TTN: variants seen among roughly 807,000 people sequenced by gnomAD.
TTN encodes titin.
In TTN, 1,525 loss-of-function variants were observed where a neutral mutation model predicts 3,223.0. That is an observed-to-expected ratio of 0.47 (90% confidence interval 0.45 to 0.49). The LOEUF is 0.49. Ranked by LOEUF, TTN falls within the 20% of genes least tolerant of loss-of-function variation. The pLI, the probability that TTN is intolerant of heterozygous loss-of-function variation, is 0.00. For missense variants in TTN, 40,786 were observed against 43,424.0 expected, an observed-to-expected ratio of 0.94 and a Z score of 5.40; for synonymous variants, 14,094 against 15,161.0, an observed-to-expected ratio of 0.93 and a Z score of 5.17.
intron 47 of TTN, chr2:178,748,205 G>T: frequency 6.2e-7 from 1 of 1,613,032 alleles, no homozygotes; most frequent in Admixed American, 1.7e-5. Flanking sequence ...TAGGGCACAT[G>T]ATTCACTATA....
In TTN at chr2:178,533,672, G is replaced by T. The variant is rs1305429779; in HGVS notation, c.102943C>A (p.Leu34315Ile). The part of the protein sequence containing the change: ...KKYTFESDKG[L>I]YQLTINSVTT... ...ACACTGTTGATTGTTAATTGGTAAAGACCCTTGTCTGACTCAAATGTGTAC... is the reference window on the plus strand; with the variant it reads ...ACACTGTTGATTGTTAATTGGTAAATACCCTTGTCTGACTCAAATGTGTAC... The change falls in exon 358 of 363, where the codon CTT (leucine) becomes ATT (isoleucine). Residue 34315 changes from leucine to isoleucine, a missense_variant. Physicochemically the swap from Leu to Ile is conservative, Grantham distance 5 (BLOSUM62 2). Coordinates refer to ENST00000589042, the MANE Select transcript of TTN (RefSeq NM_001267550.2). 6.2e-7 allele frequency: 1 copy of T among 1,613,916 alleles called. No homozygotes were observed. The highest frequency in any genetic ancestry group is 8.5e-7 in the Non-Finnish European group (1 of 1,179,862).
Position 178,686,113 on chromosome 2 carries a change from A to ATTTTTTTTTTTTTTTTTTTTTTTTT in TTN, c.32312-540_32312-516dup, listed in dbSNP as rs765570520. Among the ~76,000 whole-genome samples, 22 of 77,800 alleles carry ATTTTTTTTTTTTTTTTTTTTTTTTT rather than the reference A, an allele frequency of 2.8e-4. 1 individual carries two copies. The highest frequency in any genetic ancestry group is 8.6e-4 in the African/African-American group (13 of 15,086). 51.0% of individuals were successfully genotyped at this position (77,800 alleles called of 152,430 possible). ...TTGAGCCTAAGTGTATACAGTTTTA[A>ATTTTTTTTTTTTTTTTTTTTTTTTT]TTTTTTTTTTTTTTTTTTTTTTTTT... On this transcript the variant is annotated intron_variant, in intron 127 of 362. Transcript: ENST00000589042.
chr2:178,777,487 C>T lies in TTN; in HGVS notation c.4578G>A (p.Gly1526=). ...TGTTTTGGGCAACCACAGTCCATTC[C>T]CCAGAATCACTGGGTGTGGCAGGGA... is the stretch of plus-strand genomic sequence containing the variant. ...IIVPATPSDS[G]EWTVVAQNRA... is the part of the protein sequence containing the mutation. The change falls in exon 26 of 363, where the codon GGG becomes GGA. Residue 1526 remains glycine (G), a synonymous_variant. Coordinates refer to ENST00000589042, the MANE Select transcript of TTN (RefSeq NM_001267550.2). The T allele has an allele frequency of 1.9e-6, 3 of 1,613,898 alleles. No individual in the cohort carries two copies. The highest frequency in any genetic ancestry group is 1.1e-5 in the South Asian group (1 of 91,080).
rs555587615 is a variant in TTN, at chr2:178,639,459, A to C, written c.40876+240T>G. Among the ~76,000 whole-genome samples the C allele has an allele frequency of 3.3e-5, 5 of 152,174 alleles. No homozygotes were observed. In the East Asian group the frequency reaches 9.7e-4, roughly 30 times the overall value. On this transcript the variant is annotated intron_variant, in intron 223 of 362. Coordinates refer to ENST00000589042, the MANE Select transcript of TTN (RefSeq NM_001267550.2). ...ATTACTTAATCTCCAAAGCATATGA[A>C]AGAAATGGTGCAACCCAGGAACGTA...
Position 178,583,818 on chromosome 2 carries a change from T to G in TTN, c.65364A>C (p.Lys21788Asn). 2 of 1,609,986 alleles carry G rather than the reference T, an allele frequency of 1.2e-6. No homozygotes were observed. The highest frequency in any genetic ancestry group is 1.7e-6 in the Non-Finnish European group (2 of 1,178,090). ...AAGCTTCTACGAAATAGCCAATAAT[T>G]TTACTGCCTCCATCATGCTTTGGAC... ...WARPKHDGGS[K>N]IIGYFVEACK... The change falls in exon 312 of 363, where the codon AAA becomes AAC. Residue 21788 changes from lysine (K) to asparagine (N), a missense_variant. Transcript: ENST00000589042.
intron 252 of TTN, 51 bp downstream of exon 252, chr2:178,618,138 A>C: frequency 6.2e-7 from 1 of 1,610,228 alleles, no homozygotes; most frequent in Non-Finnish European, 8.5e-7. Context: ...GATGAAGGCA[A>C]AGACTGCAAT....
In TTN at chr2:178,599,384, T is replaced by A; in HGVS notation, c.56409A>T (p.Thr18803=). Residue 18803 remains threonine, a synonymous_variant, in exon 290 of 363, where the codon ACA becomes ACT. Transcript: ENST00000589042. ...KFESVSADQM[T]LSWFPPKDDG... ...CATCTTTAGGTGGAAACCAAGATAG[T>A]GTCATTTGATCTGCTGAAACAGATT... The A allele has an allele frequency of 6.3e-7, 1 of 1,592,366 alleles. No homozygotes were observed. The highest frequency in any genetic ancestry group is 8.5e-7 in the Non-Finnish European group (1 of 1,171,746).
intron 3 of TTN, 56 bp downstream of exon 3, chr2:178,802,082 T>C (rs1329205238): frequency 6.2e-7 from 1 of 1,609,250 alleles, no homozygotes; most frequent in African/African-American, 1.3e-5. Context: ...CCTTTCCCAA[T>C]TTGCTGGAGA....
rs72648915 is a variant in TTN, at chr2:178,745,968, C to T, written c.11312-4047G>A. On this transcript the variant is annotated intron_variant, in intron 47 of 362. Coordinates refer to ENST00000589042, the MANE Select transcript of TTN (RefSeq NM_001267550.2). The stretch of plus-strand genomic sequence containing the variant: ...GTCACTTTGCTTTTCTTTGCTATCA[C>T]AGCAAATATTTCAGAATCTCCCATG... 6.6e-3 allele frequency: 10,636 copies of T among 1,610,786 alleles called. 626 individuals are homozygous for T. In the African/African-American group the frequency reaches 0.13, roughly 19 times the overall value.
At chr2:178,580,260 A>T (rs72646872) in intron 317 of TTN, 31 bp from the exon 318 acceptor site, 1 of 1,606,750 alleles carries the variant, frequency 6.2e-7, no homozygotes. Context: ...TAAGAAATGA[A>T]TGTGTAAAAA....
In TTN at chr2:178,615,793, G is replaced by A. The variant is rs2057227691; in HGVS notation, c.48313-5C>T. On this transcript the variant is annotated splice_region_variant and splice_polypyrimidine_tract_variant and intron_variant, in intron 257 of 362. Transcript: ENST00000589042. ...ATCAGTCACAAAGTCCATAACCTGG[G>A]ACAAAGAAATACAGTTAATCAGTTA... is the stretch of plus-strand genomic sequence containing the variant. The A allele has an allele frequency of 1.2e-6, 2 of 1,604,522 alleles. No individual in the cohort carries two copies. Among genetic ancestry groups the A allele is most frequent in the African/African-American group, 1.3e-5 (1 of 74,190 alleles).
chr2:178,678,575 A>T, intron 143 of TTN, 78 bp from the exon 144 acceptor site: 1 of 1,275,346 alleles, frequency 7.8e-7, no homozygotes, highest in Non-Finnish European at 1.1e-6. Context: ...AAAGATTAAG[A>T]TAAGGTAATA....
Position 178,534,307 on chromosome 2 carries a change from T to C in TTN, c.102308A>G (p.Asn34103Ser), listed in dbSNP as rs557630306. Reference protein sequence around the residue: ...YYHTLIKKDLNMVVSAARISC... With the variant: ...YYHTLIKKDLSMVVSAARISC... ...GATCCGGGCTGCTGACACAACCATG[T>C]TGAGGTCTTTCTTGATCAGGGTGTG... The change falls in exon 358 of 363, where the codon AAC becomes AGC. Residue 34103 changes from asparagine to serine, a missense_variant. By Grantham distance (46) the Asn-to-Ser change is conservative (BLOSUM62 1). Coordinates refer to ENST00000589042, the MANE Select transcript of TTN (RefSeq NM_001267550.2). 2 of 1,613,696 alleles carry C rather than the reference T, an allele frequency of 1.2e-6. No homozygotes were observed. The highest frequency in any genetic ancestry group is 1.7e-4 in the Middle Eastern group (1 of 6,058).
At chr2:178,630,755 T>C in intron 238 of TTN, 49 bp downstream of exon 238, 1 of 1,568,552 alleles carries the variant, frequency 6.4e-7, no homozygotes, top group Non-Finnish European at 8.6e-7. Flanking sequence ...TGTTCTTTTC[T>C]AATTCACACA....
intron 248 of TTN, 27 bp from the exon 249 acceptor site, chr2:178,620,139 A>G: frequency 1.9e-6 from 3 of 1,599,436 alleles, no homozygotes; most frequent in Non-Finnish European, 1.7e-6. Context: ...ATTATCAGTT[A>G]GCTTGCAATG....
Position 178,625,286 on chromosome 2 carries a change from G to A in TTN, c.44535C>T (p.Asn14845=). The A allele has an allele frequency of 6.2e-7, 1 of 1,605,518 alleles. No individual in the cohort carries two copies. The highest frequency in any genetic ancestry group is 1.1e-5 in the South Asian group (1 of 89,860). ...CCTTGTAATTACCTTTCACAAAGAGGTTGGCGTGAGTTTTGAAATCTTTTG... is the reference window on the plus strand; with the variant it reads ...CCTTGTAATTACCTTTCACAAAGAGATTGGCGTGAGTTTTGAAATCTTTTG... ...LTAKDFKTHA[N]LFVKEPPVEF... is the part of the protein sequence containing the mutation. Residue 14845 remains asparagine (N), a synonymous_variant, in exon 241 of 363, where the codon AAC becomes AAT. Coordinates refer to ENST00000589042, the MANE Select transcript of TTN (RefSeq NM_001267550.2).
At position 178,549,639 on chromosome 2, in the gene TTN, A is replaced by G. The variant is rs768267695; in HGVS notation, c.92083T>C (p.Ser30695Pro). ...INGNEYQFRV[S>P]AVNKFGVGRP... ...CCAACACCAAACTTGTTAACTGCAG[A>G]AACACGGAATTGGTATTCATTGCCG... The change falls in exon 338 of 363, where the codon TCT becomes CCT. Residue 30695 changes from serine to proline, a missense_variant. Ser to Pro is a moderately conservative substitution (Grantham distance 74, BLOSUM62 -1). Coordinates refer to ENST00000589042, the MANE Select transcript of TTN (RefSeq NM_001267550.2). 6.2e-7 allele frequency: 1 copy of G among 1,613,858 alleles called. No individual in the cohort carries two copies. The highest frequency in any genetic ancestry group is 8.5e-7 in the Non-Finnish European group (1 of 1,179,778).
In TTN at chr2:178,604,911, C is replaced by T. The variant is rs2054416868; in HGVS notation, c.54191-13G>A. The T allele has an allele frequency of 6.2e-7, 1 of 1,607,800 alleles. No homozygotes were observed. Among genetic ancestry groups the T allele is most frequent in the African/African-American group, 1.3e-5 (1 of 74,584 alleles). ...GGGGATGGGCGGTCTGGAAAGGAAT[C>T]AACAGAGAATATTGAGAAGGCAATT... On this transcript the variant is annotated splice_polypyrimidine_tract_variant and intron_variant, in intron 280 of 362. Transcript: ENST00000589042.
At position 178,536,794 on chromosome 2, in the gene TTN, A is replaced by G. The variant is rs2154137767; in HGVS notation, c.100171+144T>C. The G allele has an allele frequency of 8.1e-6, 7 of 862,764 alleles. No homozygotes were observed. In the South Asian group the frequency reaches 1.5e-4, roughly 19 times the overall value. 53.4% of individuals were successfully genotyped at this position (862,764 alleles called of 1,614,324 possible). On this transcript the variant is annotated intron_variant, in intron 356 of 362. Coordinates refer to ENST00000589042, the MANE Select transcript of TTN (RefSeq NM_001267550.2). ...TATATTTCTCCTTTTAGATATGCAA[A>G]CATTCAATTAAAGTGAAAGAAAAGG...
Sources: gnomAD v4.1 joint callset for allele counts (sites outside exome capture counted in the v4.1 genomes callset) on GRCh38, gnomAD v4.1.1 for gene constraint, MANE v1.5 for transcripts, NCBI Gene and HGNC (gene_info 2026-07-23, HGNC 2026-07-21) for gene names.